The following KLF8 variants were observed in gnomAD, a reference collection of about 807,000 sequenced individuals.
KLF8 encodes the protein KLF transcription factor 8, also known as Krueppel-like factor 8.
Under a neutral mutation model 18.2 loss-of-function variants are expected in KLF8, and 10 were observed. That is an observed-to-expected ratio of 0.55 (90% CI 0.34 to 0.93). The LOEUF (loss-of-function observed/expected upper bound fraction) is 0.93. KLF8 is among the 40% of genes least tolerant of loss of function. KLF8 has a pLI of 0.02. For missense variants in KLF8, 264 were observed against 277.9 expected (o/e 0.95, Z 0.36); for synonymous variants, 109 against 97.3 (o/e 1.12, Z -0.71).
chrX:55,981,730 A>G, the KLF8 span, among the ~76,000 whole-genome samples: 1 of 111,728 alleles, frequency 9.0e-6, no homozygotes, highest in Admixed American at 9.5e-5. Flanking sequence ...AGCACTGTGG[A>G]GAAGGGATGG....
chrX:56,089,044 C>T, the KLF8 span, among the ~76,000 whole-genome samples: 2 of 111,144 alleles, frequency 1.8e-5, no homozygotes, highest in Admixed American at 1.9e-4. Flanking sequence ...ACTGTTTTTT[C>T]CTCCCCTCTA....
the KLF8 span, among the ~76,000 whole-genome samples, chrX:55,989,376 C>T: frequency 1.8e-5 from 2 of 112,375 alleles, no homozygotes; most frequent in Admixed American, 1.9e-4. Context: ...AGATAAGTCC[C>T]ATCAATACCT....
chrX:56,164,750 A>G, the KLF8 span, among the ~76,000 whole-genome samples: 1 of 27,481 alleles, frequency 3.6e-5, no homozygotes, highest in Admixed American at 3.8e-4. Context: ...TTTTTTTTTA[A>G]CTTTTTTTTT....
intron 5 of KLF8, among the ~76,000 whole-genome samples, chrX:56,273,753 G>A (rs901725187): frequency 6.3e-5 from 7 of 111,599 alleles, no homozygotes; most frequent in Non-Finnish European, 1.1e-4. Context: ...AGACAAAGAG[G>A]AAGCCCTCCT....
chrX:55,955,036 G>T, the KLF8 span, among the ~76,000 whole-genome samples: 1 of 111,596 alleles, frequency 9.0e-6, no homozygotes, highest in Non-Finnish European at 1.9e-5. Context: ...TCTTTTTAAA[G>T]TAATGGAAAT....
In KLF8 at chrX:56,290,081, CT is replaced by C. The variant is rs1295382633; in HGVS notation, c.*5591del. Among the ~76,000 whole-genome samples, 2 of 111,832 alleles carry C rather than the reference CT, an allele frequency of 1.8e-5. No individual in the cohort carries two copies. The highest frequency in any genetic ancestry group is 6.5e-5 in the African/African-American group (2 of 30,785). On this transcript the variant is annotated 3_prime_UTR_variant, in exon 6 of 6. Coordinates refer to ENST00000468660, the MANE Select transcript of KLF8 (RefSeq NM_007250.5). ...AATTTAAATAAACACATAGCACTAT[CT>C]TTTCTCACTGTTAAATATGGCTCTC...
At chrX:55,964,688 T>G in the KLF8 span, among the ~76,000 whole-genome samples, 9,529 of 110,653 alleles carry the variant, frequency 0.086, 996 homozygotes, top group African/African-American at 0.3. Context: ...AGAGGAAAGA[T>G]CCACATGAAC....
the KLF8 span, among the ~76,000 whole-genome samples, chrX:55,975,836 G>A: frequency 4.5e-5 from 5 of 111,835 alleles, no homozygotes; most frequent in East Asian, 2.8e-4. Flanking sequence ...ATGGCCAGGC[G>A]CGGTGGCTTA....
the KLF8 span, among the ~76,000 whole-genome samples, chrX:56,164,729 C>CTTTTTTTTTTTTTTTTTTCTTT: frequency 1.9e-5 from 1 of 51,920 alleles, no homozygotes; most frequent in Non-Finnish European, 3.3e-5. Context: ...CTTGTTATCT[C>CTTTTTTTTTTTTTTTTTTCTTT]TTTTTTTTTT....
the KLF8 span, among the ~76,000 whole-genome samples, chrX:56,140,398 C>T: frequency 9.0e-6 from 1 of 111,725 alleles, no homozygotes; most frequent in Non-Finnish European, 1.9e-5. Flanking sequence ...AAACATGATA[C>T]GTATGCATGA....
At chrX:56,072,413 C>G in the KLF8 span, among the ~76,000 whole-genome samples, 1 of 111,828 alleles carries the variant, frequency 8.9e-6, no homozygotes, top group Middle Eastern at 4.6e-3. Context: ...GGATCTGTTA[C>G]CAGTCAATAG....
the KLF8 span, among the ~76,000 whole-genome samples, chrX:56,220,293 G>A: frequency 1.8e-5 from 2 of 111,551 alleles, no homozygotes; most frequent in African/African-American, 6.5e-5. Context: ...CATCACCTGG[G>A]AATTTGTTAC....
At chrX:55,945,389 T>A in the KLF8 span, among the ~76,000 whole-genome samples, 2 of 111,357 alleles carry the variant, frequency 1.8e-5, no homozygotes, top group African/African-American at 6.5e-5. Flanking sequence ...GTATCCTTGT[T>A]AACGTTCTGT....
the KLF8 span, among the ~76,000 whole-genome samples, chrX:56,045,490 G>A: frequency 1.8e-5 from 2 of 111,997 alleles, no homozygotes; most frequent in Non-Finnish European, 3.8e-5. Flanking sequence ...GCTTTTAGCA[G>A]TATGGTCATA....
chrX:55,947,414 A>C, the KLF8 span, among the ~76,000 whole-genome samples: 937 of 103,560 alleles, frequency 9.0e-3, 4 homozygotes, highest in Non-Finnish European at 0.016. Context: ...GCATATTCTC[A>C]CTCATAGGTG....
At chrX:56,023,658 T>A in the KLF8 span, among the ~76,000 whole-genome samples, 331 of 111,414 alleles carry the variant, frequency 3.0e-3, no homozygotes, top group African/African-American at 0.01. Context: ...TTTTTTTTTT[T>A]AACACAAACA....
the KLF8 span, among the ~76,000 whole-genome samples, chrX:56,157,396 T>TA: frequency 5.7e-4 from 62 of 108,934 alleles, no homozygotes; most frequent in African/African-American, 1.5e-3. Context: ...AAAATAAAAT[T>TA]AAAAAAAAAG....
chrX:56,198,513 C>T, the KLF8 span, among the ~76,000 whole-genome samples: 1 of 111,481 alleles, frequency 9.0e-6, no homozygotes, highest in Non-Finnish European at 1.9e-5. Flanking sequence ...ATAAAATATG[C>T]AGGAATCCAA....
the KLF8 span, among the ~76,000 whole-genome samples, chrX:55,949,237 C>T: frequency 9.0e-6 from 1 of 110,838 alleles, no homozygotes; most frequent in African/African-American, 3.3e-5. Flanking sequence ...GCCCCATGGA[C>T]AGTTGTTACA....
Sources: allele counts gnomAD v4.1 joint callset (sites outside exome capture counted in the v4.1 genomes callset), GRCh38; gene constraint gnomAD v4.1.1; transcripts MANE v1.5; gene names NCBI Gene and HGNC (gene_info 2026-07-23, HGNC 2026-07-21).